ADAMTS12: variants seen among roughly 807,000 people sequenced by gnomAD.
ADAMTS12 encodes the protein A disintegrin and metalloproteinase with thrombospondin motifs 12.
In ADAMTS12, 118 loss-of-function variants were observed where a neutral mutation model predicts 167.8. The observed-to-expected ratio is 0.70, with a 90% CI of 0.61 to 0.82. The LOEUF (loss-of-function observed/expected upper bound fraction) is 0.82, where lower values mean the gene tolerates loss of function less well. Among genes scored for constraint, ADAMTS12 ranks in the 40% least tolerant of loss-of-function variants. ADAMTS12 has a pLI of 0.00. For synonymous variants in ADAMTS12, 704 were observed against 716.9 expected (o/e 0.98, Z 0.29); for missense variants, 1,916 against 1,998.8 (o/e 0.96, Z 0.79).
At chr5:33,684,103 A>G (rs1742236189) in intron 3 of ADAMTS12, 48 bp from the exon 4 acceptor site, 1 of 1,285,946 alleles carries the variant, frequency 7.8e-7, no homozygotes, top group Non-Finnish European at 1.0e-6. Context: ...TATGTCTCAT[A>G]TATTATCTAC....
chr5:33,777,469 A>C (rs1745954728), intron 2 of ADAMTS12, among the ~76,000 whole-genome samples: 1 of 143,940 alleles, frequency 6.9e-6, no homozygotes, highest in Non-Finnish European at 1.5e-5. Context: ...AGCATTTGAA[A>C]ATATTCAACA....
chr5:33,762,665 G>A (rs953617843), intron 2 of ADAMTS12, among the ~76,000 whole-genome samples: 3 of 152,158 alleles, frequency 2.0e-5, no homozygotes, highest in Admixed American at 6.5e-5. Flanking sequence ...TGGCCAAAGT[G>A]AAAGATTTGC....
At chr5:33,782,063 CAATA>C (rs928837780) in intron 2 of ADAMTS12, among the ~76,000 whole-genome samples, 1 of 151,796 alleles carries the variant, frequency 6.6e-6, no homozygotes, top group African/African-American at 2.4e-5. Flanking sequence ...GAGTACACAG[CAATA>C]AATAAAGATC....
chr5:33,548,203 C>T (rs2111826000), intron 21 of ADAMTS12, among the ~76,000 whole-genome samples: 1 of 152,332 alleles, frequency 6.6e-6, no homozygotes, highest in East Asian at 1.9e-4. Context: ...ATTCTTTCTC[C>T]TTAGTTCACT....
intron 2 of ADAMTS12, among the ~76,000 whole-genome samples, chr5:33,770,533 T>C (rs1745697607): frequency 6.6e-6 from 1 of 152,156 alleles, no homozygotes; most frequent in African/African-American, 2.4e-5. Context: ...TTTTTAAAAA[T>C]GTTTTTCACA....
chr5:33,728,786 C>T (rs1025677133), intron 3 of ADAMTS12, among the ~76,000 whole-genome samples: 8 of 152,222 alleles, frequency 5.3e-5, no homozygotes, highest in Admixed American at 2.0e-4. Context: ...TAGAATCAAA[C>T]GACTAACCAG....
chr5:33,809,531 T>C (rs917757097), intron 2 of ADAMTS12, among the ~76,000 whole-genome samples: 1 of 152,238 alleles, frequency 6.6e-6, no homozygotes, highest in African/African-American at 2.4e-5. Flanking sequence ...CCTAGATTTA[T>C]GTTTATTTAT....
intron 2 of ADAMTS12, among the ~76,000 whole-genome samples, chr5:33,765,450 T>G (rs1745498768): frequency 6.6e-6 from 1 of 152,212 alleles, no homozygotes. Flanking sequence ...CTAATCAAGC[T>G]TAACACTTTG....
In ADAMTS12 at chr5:33,637,761, G is replaced by A; in HGVS notation, c.1719-15C>T. The A allele has an allele frequency of 6.2e-7, 1 of 1,610,538 alleles. No homozygotes were observed. The highest frequency in any genetic ancestry group is 1.7e-4 in the Middle Eastern group (1 of 6,020). ...CAAACTTTGGCCTGCAAATGAAACA[G>A]ACAAGCTTTTCTTTTAGTTTGCTTC... On this transcript the variant is annotated splice_polypyrimidine_tract_variant and intron_variant, in intron 11 of 23. Transcript: ENST00000504830.
intron 2 of ADAMTS12, among the ~76,000 whole-genome samples, chr5:33,816,766 G>C (rs966615272): frequency 1.3e-5 from 2 of 152,182 alleles, no homozygotes; most frequent in Non-Finnish European, 2.9e-5. Context: ...CATCAACTGA[G>C]GATGAGAAGC....
At chr5:33,795,348 A>G (rs1746735482) in intron 2 of ADAMTS12, among the ~76,000 whole-genome samples, 1 of 152,218 alleles carries the variant, frequency 6.6e-6, no homozygotes, top group African/African-American at 2.4e-5. Flanking sequence ...TGGGAACAAC[A>G]ACAAAAAAGT....
intron 2 of ADAMTS12, among the ~76,000 whole-genome samples, chr5:33,771,198 A>C (rs1745726528): frequency 6.6e-6 from 1 of 152,218 alleles, no homozygotes; most frequent in South Asian, 2.1e-4. Flanking sequence ...ACACTCAACA[A>C]ATGTCTGTTT....
chr5:33,755,121 A>ATTTC (rs570512655), intron 2 of ADAMTS12, among the ~76,000 whole-genome samples: 214 of 152,300 alleles, frequency 1.4e-3, no homozygotes, highest in African/African-American at 5.0e-3. Flanking sequence ...GATTTCCAAC[A>ATTTC]CTGAAATGTT....
intron 16 of ADAMTS12, among the ~76,000 whole-genome samples, chr5:33,611,986 G>A (rs60741973): frequency 0.04 from 6,018 of 152,278 alleles, 272 homozygotes; most frequent in African/African-American, 0.11. Flanking sequence ...CTTTTACAGT[G>A]TAGAAAGTTT....
At chr5:33,683,600 T>C (rs1223031669) in intron 4 of ADAMTS12, among the ~76,000 whole-genome samples, 4 of 152,176 alleles carry the variant, frequency 2.6e-5, no homozygotes, top group Non-Finnish European at 4.4e-5. Flanking sequence ...CGAAAAGGAT[T>C]GAGTCACTTG....
intron 2 of ADAMTS12, among the ~76,000 whole-genome samples, chr5:33,875,578 C>T (rs886146564): frequency 1.3e-5 from 2 of 152,156 alleles, no homozygotes; most frequent in Admixed American, 1.3e-4. Flanking sequence ...ACCATATCAA[C>T]TGATGCAGGA....
intron 14 of ADAMTS12, among the ~76,000 whole-genome samples, chr5:33,617,109 A>C (rs1739060164): frequency 6.6e-6 from 1 of 152,138 alleles, no homozygotes; most frequent in South Asian, 2.1e-4. Context: ...ACTTCTTTGA[A>C]TCTCATTGCA....
intron 3 of ADAMTS12, among the ~76,000 whole-genome samples, chr5:33,750,278 C>T (rs896524302): frequency 1.3e-5 from 2 of 152,176 alleles, no homozygotes; most frequent in Non-Finnish European, 2.9e-5. Context: ...CAATTTAAAG[C>T]AGTTGTGTGT....
Position 33,891,970 on chromosome 5 carries a change from G to A in ADAMTS12, c.-114C>T, listed in dbSNP as rs1750877677. 1 of 1,382,378 alleles carries A rather than the reference G, an allele frequency of 7.2e-7. No individual in the cohort carries two copies. The highest frequency in any genetic ancestry group is 1.5e-5 in the South Asian group (1 of 68,926). 85.6% of individuals were successfully genotyped at this position (1,382,378 alleles called of 1,614,324 possible). ...TGCAGGGGTGCATGGTCAGGCGCGAGAAGGCAGCGACTGCAAAGCTGCCCG... is the reference window on the plus strand; with the variant it reads ...TGCAGGGGTGCATGGTCAGGCGCGAAAAGGCAGCGACTGCAAAGCTGCCCG... On this transcript the variant is annotated 5_prime_UTR_variant, in exon 1 of 24. Transcript: ENST00000504830.
Sources: allele counts gnomAD v4.1 joint callset (sites outside exome capture counted in the v4.1 genomes callset), GRCh38; gene constraint gnomAD v4.1.1; transcripts MANE v1.5; gene names NCBI Gene and HGNC (gene_info 2026-07-23, HGNC 2026-07-21).